COLGALT2: variants seen among roughly 807,000 people sequenced by gnomAD.
COLGALT2 encodes procollagen galactosyltransferase 2.
A neutral mutation model predicts 73.4 loss-of-function variants in COLGALT2; 49 were observed. That is an observed-to-expected ratio of 0.67 (90% CI 0.53 to 0.85). COLGALT2 has a LOEUF of 0.85. Ranked by LOEUF, COLGALT2 falls within the 40% of genes least tolerant of loss-of-function variation. The probability of loss-of-function intolerance (pLI) is 0.00; values close to 1 mark genes in which losing one functional copy is unlikely to be tolerated. For missense variants in COLGALT2, 722 were observed against 790.2 expected (o/e 0.91, Z 1.03); for synonymous variants, 295 against 307.6 (o/e 0.96, Z 0.43).
downstream of COLGALT2, among the ~76,000 whole-genome samples, chr1:183,935,255 G>A (rs971288855): frequency 8.5e-5 from 13 of 152,306 alleles, no homozygotes; most frequent in Non-Finnish European, 1.3e-4. Context: ...CTGTTTGGCA[G>A]CCACCTGCTT....
chr1:183,983,592 A>C (rs951910888), intron 1 of COLGALT2, among the ~76,000 whole-genome samples: 1 of 152,190 alleles, frequency 6.6e-6, no homozygotes, highest in Non-Finnish European at 1.5e-5. Flanking sequence ...GCCCTGTAGC[A>C]CAAGGCAGCA....
chr1:183,997,047 G>T (rs1199836045), intron 1 of COLGALT2, among the ~76,000 whole-genome samples: 1 of 152,142 alleles, frequency 6.6e-6, no homozygotes, highest in Non-Finnish European at 1.5e-5. Flanking sequence ...TCAGGGGCAG[G>T]CAGTGTAAAA....
chr1:183,978,406 T>C lies in COLGALT2; in HGVS notation c.374+4A>G, dbSNP rs774494724. 2 of 1,556,236 alleles carry C rather than the reference T, an allele frequency of 1.3e-6. No homozygotes were observed. The highest frequency in any genetic ancestry group is 1.7e-5 in the Admixed American group (1 of 59,480). On this transcript the variant is annotated splice_donor_region_variant and intron_variant, in intron 2 of 11. Coordinates refer to ENST00000361927, the MANE Select transcript of COLGALT2 (RefSeq NM_015101.4). The stretch of plus-strand genomic sequence containing the variant: ...AGTTTACAAATTTCGCACTTGCTAC[T>C]CACTCTGGTTCATCCATAGGCCTCC...
At chr1:184,020,006 T>C (rs1387746104) in intron 1 of COLGALT2, among the ~76,000 whole-genome samples, 1 of 152,192 alleles carries the variant, frequency 6.6e-6, no homozygotes, top group Non-Finnish European at 1.5e-5. Flanking sequence ...TGCAGATCTA[T>C]TGGTGTCCAG....
intron 1 of COLGALT2, among the ~76,000 whole-genome samples, chr1:184,024,990 G>T (rs1405516750): frequency 6.6e-6 from 1 of 152,208 alleles, no homozygotes; most frequent in Non-Finnish European, 1.5e-5. Flanking sequence ...GCCTCTCATA[G>T]GGCAAGGAGA....
chr1:184,025,125 G>A (rs1649295903), intron 1 of COLGALT2, among the ~76,000 whole-genome samples: 1 of 152,254 alleles, frequency 6.6e-6, no homozygotes, highest in Non-Finnish European at 1.5e-5. Flanking sequence ...CATTGTCAGA[G>A]GACTTGGCAG....
intron 1 of COLGALT2, among the ~76,000 whole-genome samples, chr1:184,009,708 G>T (rs976991602): frequency 1.3e-5 from 2 of 152,202 alleles, no homozygotes; most frequent in African/African-American, 4.8e-5. Flanking sequence ...GAACCTGGTA[G>T]TAATGGTCCA....
intron 1 of COLGALT2, among the ~76,000 whole-genome samples, chr1:184,019,298 A>C (rs943257143): frequency 6.6e-6 from 1 of 152,194 alleles, no homozygotes; most frequent in Admixed American, 6.5e-5. Flanking sequence ...GCAGACAGCT[A>C]TGAGCTCACT....
At position 183,956,614 on chromosome 1, in the gene COLGALT2, A is replaced by G. The variant is rs113375414; in HGVS notation, c.953-1776T>C. On this transcript the variant is annotated intron_variant, in intron 6 of 11. Coordinates refer to ENST00000361927, the MANE Select transcript of COLGALT2 (RefSeq NM_015101.4). ...TGTTATATTTTGAGTTACCCATTCT[A>G]GGCTGCTGGTCTCCTTTGGACTCAC... Among the ~76,000 whole-genome samples, 357 of 152,280 alleles carry G rather than the reference A, an allele frequency of 2.3e-3. 1 individual carries two copies. The highest frequency in any genetic ancestry group is 8.1e-3 in the African/African-American group (338 of 41,562).
rs374292256 is a variant in COLGALT2, at chr1:183,944,650, T to C, written c.1270-327A>G. On this transcript the variant is annotated intron_variant, in intron 9 of 11. Transcript: ENST00000361927. ...TGCCTTTAGAAGTCAGGATGGTGAC[T>C]GCCCTTGGGGACTGATGACCAGAAG... 2.0e-5 allele frequency among the ~76,000 whole-genome samples: 3 copies of C among 151,916 alleles called. No individual in the cohort carries two copies. The East Asian group carries it at 5.8e-4, about 29-fold the overall frequency.
chr1:183,937,840 T>G lies in COLGALT2; in HGVS notation c.*921A>C, dbSNP rs144453804. 116 of 985,468 alleles carry G rather than the reference T, an allele frequency of 1.2e-4. No homozygotes were observed. The highest frequency in any genetic ancestry group is 1.2e-3 in the African/African-American group (67 of 57,376). 61.0% of individuals were successfully genotyped at this position (985,468 alleles called of 1,614,324 possible). A position where few individuals can be genotyped will look rare whatever the true frequency, so the allele number is the denominator to read the frequency against. ...GAAAATGTGCTCTGTCTCTTAGCAG[T>G]GACTCACAGAACTCACACCTGCGGT... On this transcript the variant is annotated 3_prime_UTR_variant, in exon 12 of 12. Coordinates refer to ENST00000361927, the MANE Select transcript of COLGALT2 (RefSeq NM_015101.4).
intron 1 of COLGALT2, among the ~76,000 whole-genome samples, chr1:183,981,138 G>A (rs896530017): frequency 3.9e-5 from 6 of 152,140 alleles, no homozygotes; most frequent in Non-Finnish European, 7.4e-5. Flanking sequence ...TTTAGTATAT[G>A]ATAAGGGTGT....
chr1:184,015,373 T>C (rs961045393), intron 1 of COLGALT2, among the ~76,000 whole-genome samples: 2 of 152,200 alleles, frequency 1.3e-5, no homozygotes, highest in East Asian at 1.9e-4. Context: ...GCCAACCTCA[T>C]CTCATTGCCC....
chr1:183,960,463 T>C (rs764644366), intron 6 of COLGALT2, among the ~76,000 whole-genome samples: 4 of 152,216 alleles, frequency 2.6e-5, no homozygotes, highest in Non-Finnish European at 5.9e-5. Flanking sequence ...TCTTTGATAT[T>C]TTCTCCTTTC....
intron 1 of COLGALT2, among the ~76,000 whole-genome samples, chr1:183,988,885 A>G (rs537739252): frequency 6.6e-6 from 1 of 152,296 alleles, no homozygotes; most frequent in Admixed American, 6.5e-5. Flanking sequence ...AAAAAGAATA[A>G]AATTTATTTT....
intron 10 of COLGALT2, among the ~76,000 whole-genome samples, chr1:183,943,437 G>A (rs1275466423): frequency 1.3e-5 from 2 of 151,836 alleles, no homozygotes; most frequent in Non-Finnish European, 2.9e-5. Context: ...AAAAGAAAAT[G>A]AGAGAGAGAA....
chr1:183,975,167 A>G lies in COLGALT2; in HGVS notation c.422T>C (p.Phe141Ser). The change falls in exon 3 of 12, where the codon TTT (phenylalanine) becomes TCT (serine). Residue 141 changes from phenylalanine to serine, a missense_variant. Coordinates refer to ENST00000361927, the MANE Select transcript of COLGALT2 (RefSeq NM_015101.4). ...IGPKHWPTSR[F>S]AHVMKLRQAA... The stretch of plus-strand genomic sequence containing the variant: ...CTGTCGTAGTTTCATCACATGGGCA[A>G]ACCGGGAGGTTGGCCAGTGCTTTGG... 5 of 1,614,170 alleles carry G rather than the reference A, an allele frequency of 3.1e-6. No individual in the cohort carries two copies. Among genetic ancestry groups the G allele is most frequent in the South Asian group, 2.2e-5 (2 of 91,082 alleles).
intron 8 of COLGALT2, among the ~76,000 whole-genome samples, chr1:183,949,952 C>G (rs2102795188): frequency 6.6e-6 from 1 of 152,214 alleles, no homozygotes; most frequent in Non-Finnish European, 1.5e-5. Context: ...GCAGTGGTTC[C>G]TAAACTCTAC....
chr1:184,002,840 A>AT (rs1049860728), intron 1 of COLGALT2, among the ~76,000 whole-genome samples: 8 of 152,274 alleles, frequency 5.3e-5, no homozygotes, highest in Non-Finnish European at 1.0e-4. Flanking sequence ...TAAAATTCAC[A>AT]TTTTTTTAAC....
Sources: gnomAD v4.1 joint callset for allele counts (sites outside exome capture counted in the v4.1 genomes callset) on GRCh38, gnomAD v4.1.1 for gene constraint, MANE v1.5 for transcripts, NCBI Gene and HGNC (gene_info 2026-07-23, HGNC 2026-07-21) for gene names.